The following COPG2 variants were observed in gnomAD, a reference collection of about 807,000 sequenced individuals.
The protein encoded by COPG2 is coatomer subunit gamma-2.
A neutral mutation model predicts 46.3 loss-of-function variants in COPG2; 37 were observed. The ratio of observed to expected loss-of-function variants is 0.80; its 90% CI spans 0.61 to 1.05. The LOEUF is 1.05. Ranked by LOEUF, COPG2 falls within the 50% of genes least tolerant of loss-of-function variation. COPG2 has a pLI of 0.00. For synonymous variants in COPG2, 159 were observed against 129.7 expected, an observed-to-expected ratio of 1.23 and a Z score of -1.53; for missense variants, 427 against 387.8, an observed-to-expected ratio of 1.10 and a Z score of -0.85.
At chr7:130,510,766 GT>G (rs1799581747) in intron 20 of COPG2, among the ~76,000 whole-genome samples, 1 of 152,112 alleles carries the variant, frequency 6.6e-6, no homozygotes. Context: ...ACAATGAGAG[GT>G]TACAGGGATC....
intron 9 of COPG2, among the ~76,000 whole-genome samples, chr7:130,572,934 A>G (rs1793934127): frequency 6.6e-6 from 1 of 152,012 alleles, no homozygotes; most frequent in Non-Finnish European, 1.5e-5. Context: ...CTTTGAAAAG[A>G]TCAACAAAAT....
chr7:130,524,491 G>A (rs1366362748), intron 20 of COPG2, among the ~76,000 whole-genome samples: 4 of 152,154 alleles, frequency 2.6e-5, no homozygotes, highest in Non-Finnish European at 5.9e-5. Flanking sequence ...CAGAGGAGAG[G>A]TGTTCCCTAA....
intron 5 of COPG2, among the ~76,000 whole-genome samples, chr7:130,627,912 A>T (rs1403958978): frequency 6.6e-6 from 1 of 152,166 alleles, no homozygotes. Flanking sequence ...AACTCTGAGG[A>T]TGTAGTTTTA....
At chr7:130,554,771 T>C in intron 13 of COPG2, 47 bp from the exon 14 acceptor site, 1 of 398,596 alleles carries the variant, frequency 2.5e-6, no homozygotes, top group Non-Finnish European at 4.4e-6. Context: ...GGGACACATT[T>C]TGGAGAAATG....
At chr7:130,641,847 C>T (rs1020410511) in intron 5 of COPG2, among the ~76,000 whole-genome samples, 3 of 152,114 alleles carry the variant, frequency 2.0e-5, no homozygotes, top group Admixed American at 1.3e-4. Context: ...TCCCCCTACC[C>T]GAATCCACAC....
chr7:130,617,878 A>C (rs1554453118), intron 5 of COPG2, among the ~76,000 whole-genome samples: 1 of 151,946 alleles, frequency 6.6e-6, no homozygotes, highest in Non-Finnish European at 1.5e-5. Context: ...AGGTGGGAGG[A>C]TTACTTGAGC....
rs1218256936 is a variant in COPG2 at position 130,547,724 on chromosome 7, G to C, written c.2099C>G (p.Pro700Arg). 5.0e-6 allele frequency: 2 copies of C among 398,602 alleles called. No homozygotes were observed. The highest frequency in any genetic ancestry group is 8.8e-5 in the Admixed American group (2 of 22,726). The allele number at this position is 398,602 out of a possible 1,614,324, so 24.7% of individuals were successfully genotyped here. A position where few individuals can be genotyped will look rare whatever the true frequency, so the allele number is the denominator to read the frequency against. ...ACGAACAAGAGTGTAACATATTCCT[G>C]GTTGGTTATAAGGAAGGCTGGGGGC... is the stretch of plus-strand genomic sequence containing the variant. ...IPAPSLPYNQ[P>R]GICYTLVRLP... The change falls in exon 20 of 24, where the codon CCA becomes CGA. Residue 700 changes from proline to arginine, a missense_variant. Physicochemically the swap from Pro to Arg is moderately radical, Grantham distance 103 (BLOSUM62 -2). Coordinates refer to ENST00000425248, the MANE Select transcript of COPG2 (RefSeq NM_012133.6).
chr7:130,662,524 C>A (rs984993391), intron 4 of COPG2, among the ~76,000 whole-genome samples: 2 of 152,174 alleles, frequency 1.3e-5, no homozygotes, highest in African/African-American at 4.8e-5. Flanking sequence ...TAATGAGAGG[C>A]AGGTTTAGTT....
At position 130,524,225 on chromosome 7, in the gene COPG2, C is replaced by T. The variant is rs920499892; in HGVS notation, c.2150-15566G>A. ...CAGAGCAGGTGGATTCAGTGCAGTA[C>T]GTGTGATGCAGAGATGACTGCATCT... On this transcript the variant is annotated intron_variant, in intron 20 of 23. Coordinates refer to ENST00000425248, the MANE Select transcript of COPG2 (RefSeq NM_012133.6). Among the ~76,000 whole-genome samples, 31 of 152,024 alleles carry T rather than the reference C, an allele frequency of 2.0e-4. 1 individual carries two copies. The highest frequency in any genetic ancestry group is 1.5e-3 in the South Asian group (7 of 4,816).
rs1360731977 is a variant in COPG2 at position 130,513,305 on chromosome 7, AAAAATAT to A, written c.2150-4653_2150-4647del. Among the ~76,000 whole-genome samples, 17 of 50,014 alleles carry A rather than the reference AAAAATAT, an allele frequency of 3.4e-4. 1 individual carries two copies. Among genetic ancestry groups the A allele is most frequent in the African/African-American group, 1.4e-3 (16 of 11,424 alleles). 32.8% of individuals were successfully genotyped at this position (50,014 alleles called of 152,430 possible). On this transcript the variant is annotated intron_variant, in intron 20 of 23. Transcript: ENST00000425248. ...TAATTCTGTCTAAAAAAAAAAAAAA[AAAAATAT>A]ATATATATATATATATATATATATA...
chr7:130,651,162 G>A (rs1283976602), intron 5 of COPG2, among the ~76,000 whole-genome samples: 1 of 152,074 alleles, frequency 6.6e-6, no homozygotes, highest in Non-Finnish European at 1.5e-5. Context: ...TAAAAATAAT[G>A]TTCATTACAC....
chr7:130,574,665 C>T (rs930334214), intron 9 of COPG2, among the ~76,000 whole-genome samples: 6 of 152,000 alleles, frequency 3.9e-5, no homozygotes, highest in African/African-American at 1.4e-4. Context: ...AAAAAAATTA[C>T]ACTAGTTCAC....
intron 5 of COPG2, among the ~76,000 whole-genome samples, chr7:130,627,768 G>C (rs1373158875): frequency 3.5e-5 from 5 of 144,582 alleles, no homozygotes; most frequent in East Asian, 2.3e-4. Context: ...TTGGGGATGC[G>C]GGGGGTGGGG....
chr7:130,611,443 C>T (rs1039544798), intron 8 of COPG2, among the ~76,000 whole-genome samples: 12 of 152,140 alleles, frequency 7.9e-5, no homozygotes, highest in African/African-American at 1.9e-4. Context: ...TCTGTCTCTA[C>T]GAGTGGCTTT....
intron 20 of COPG2, among the ~76,000 whole-genome samples, chr7:130,522,638 G>A (rs1246167475): frequency 6.6e-6 from 1 of 151,938 alleles, no homozygotes; most frequent in African/African-American, 2.4e-5. Context: ...GGATGCCAGA[G>A]GAAGAAAAGG....
intron 3 of COPG2, among the ~76,000 whole-genome samples, chr7:130,666,288 GC>G (rs1796078196): frequency 6.6e-6 from 1 of 152,150 alleles, no homozygotes; most frequent in Admixed American, 6.5e-5. Flanking sequence ...GCCTGATCTT[GC>G]ACTGTATTTT....
intron 5 of COPG2, among the ~76,000 whole-genome samples, chr7:130,628,331 T>C (rs1554454608): frequency 6.6e-6 from 1 of 152,150 alleles, no homozygotes; most frequent in Admixed American, 6.5e-5. Context: ...TATTATTCCA[T>C]TTTACTTCCT....
At chr7:130,638,823 C>T (rs1217168891) in intron 5 of COPG2, among the ~76,000 whole-genome samples, 4 of 152,146 alleles carry the variant, frequency 2.6e-5, no homozygotes, top group Non-Finnish European at 5.9e-5. Flanking sequence ...CAAACGGCCG[C>T]CCAGTTTTGT....
rs1478883858 is a variant in COPG2 at position 130,631,203 on chromosome 7, G to C, written c.324-14138C>G. ...TTTTTTTTTTTTGAGATGGAGACTT[G>C]CTCTGTCACCCAGGCTGGAGTGCAG... On this transcript the variant is annotated intron_variant, in intron 5 of 23. Transcript: ENST00000425248. Among the ~76,000 whole-genome samples the C allele has an allele frequency of 2.3e-4, 28 of 121,486 alleles. 1 individual carries two copies. In the Admixed American group the frequency reaches 2.9e-3, roughly 13 times the overall value. 79.7% of individuals were successfully genotyped at this position (121,486 alleles called of 152,430 possible). A position where few individuals can be genotyped will look rare whatever the true frequency, so the allele number is the denominator to read the frequency against.
Sources: gnomAD v4.1 joint callset for allele counts (sites outside exome capture counted in the v4.1 genomes callset) on GRCh38, gnomAD v4.1.1 for gene constraint, MANE v1.5 for transcripts, NCBI Gene and HGNC (gene_info 2026-07-23, HGNC 2026-07-21) for gene names.